Variants in EML6 observed in about 807,000 individuals in gnomAD.
EML6 encodes echinoderm microtubule-associated protein-like 6.
In EML6, 154 loss-of-function variants were observed where a neutral mutation model predicts 240.1. That is an observed-to-expected ratio of 0.64 (90% CI 0.56 to 0.73). The LOEUF is 0.73. Among genes scored for constraint, EML6 ranks in the 30% least tolerant of loss-of-function variants. The pLI, the probability that EML6 is intolerant of heterozygous loss-of-function variation, is 0.00. For missense variants in EML6, 2,964 were observed against 2,474.6 expected (o/e 1.20, Z -4.20); for synonymous variants, 1,148 against 899.0 (o/e 1.28, Z -4.95).
chr2:54,784,085 T>A (rs1027121058), intron 2 of EML6, among the ~76,000 whole-genome samples: 2 of 152,130 alleles, frequency 1.3e-5, no homozygotes, highest in African/African-American at 4.8e-5. Flanking sequence ...TAGCTAGGAC[T>A]ACAGGCATGT....
At chr2:54,954,800 C>G (rs553522349) in intron 32 of EML6, among the ~76,000 whole-genome samples, 2 of 152,302 alleles carry the variant, frequency 1.3e-5, no homozygotes, top group South Asian at 2.1e-4. Flanking sequence ...CTCATATATT[C>G]TCAGGTTGGG....
At chr2:54,740,145 T>A (rs775674373) in intron 2 of EML6, among the ~76,000 whole-genome samples, 4 of 152,138 alleles carry the variant, frequency 2.6e-5, no homozygotes, top group Middle Eastern at 3.4e-3. Flanking sequence ...GGTTATACAT[T>A]TATATGGGCC....
At chr2:54,926,930 C>A (rs1674579461) in intron 26 of EML6, among the ~76,000 whole-genome samples, 1 of 152,160 alleles carries the variant, frequency 6.6e-6, no homozygotes, top group African/African-American at 2.4e-5. Context: ...AGAGGCATTT[C>A]TCATGCTCTT....
intron 16 of EML6, among the ~76,000 whole-genome samples, chr2:54,876,806 A>G (rs1332153372): frequency 3.9e-5 from 6 of 152,190 alleles, no homozygotes; most frequent in African/African-American, 1.2e-4. Context: ...TATCACATCC[A>G]TCACCTCAAA....
intron 17 of EML6, among the ~76,000 whole-genome samples, chr2:54,883,433 A>G (rs1308433660): frequency 6.6e-6 from 1 of 152,230 alleles, no homozygotes; most frequent in Non-Finnish European, 1.5e-5. Context: ...CTACTGCCAC[A>G]GAAAGGGAGA....
chr2:54,903,827 G>A (rs1673180388), intron 24 of EML6, among the ~76,000 whole-genome samples: 1 of 152,054 alleles, frequency 6.6e-6, no homozygotes, highest in African/African-American at 2.4e-5. Context: ...TCCTTGTCTT[G>A]GGTCCCCTCA....
In EML6 at chr2:54,950,656, G is replaced by A. The variant is rs758124530; in HGVS notation, c.4090G>A (p.Ala1364Thr). Residue 1364 changes from alanine (A) to threonine (T), a missense_variant, in exon 30 of 42, where the codon GCT (alanine) becomes ACT (threonine). Physicochemically the swap from Ala to Thr is moderately conservative, Grantham distance 58. Coordinates refer to ENST00000356458, the MANE Select transcript of EML6 (RefSeq NM_001039753.4). ...TKKKKLVEEL[A>T]LDHVFGYRGF... is the part of the protein sequence containing the mutation. ...TCTGTGTGTGTGAATGCAGGAGCTGGCTCTAGACCACGTGTTTGGCTACAG... is the reference window on the plus strand; with the variant it reads ...TCTGTGTGTGTGAATGCAGGAGCTGACTCTAGACCACGTGTTTGGCTACAG... The A allele has an allele frequency of 6.4e-7, 1 of 1,551,608 alleles. No individual in the cohort carries two copies. The highest frequency in any genetic ancestry group is 1.2e-5 in the South Asian group (1 of 84,054).
chr2:54,878,899 G>A (rs1312991240), intron 16 of EML6, among the ~76,000 whole-genome samples: 1 of 152,150 alleles, frequency 6.6e-6, no homozygotes, highest in Non-Finnish European at 1.5e-5. Context: ...TATATCAAAT[G>A]TTAGCCTAGA....
chr2:54,941,800 A>G (rs984222094), intron 28 of EML6, among the ~76,000 whole-genome samples: 17 of 152,242 alleles, frequency 1.1e-4, no homozygotes, highest in Non-Finnish European at 2.4e-4. Flanking sequence ...CCTGCTCCAG[A>G]GCCCTTCTCT....
intron 3 of EML6, among the ~76,000 whole-genome samples, chr2:54,814,940 T>C (rs546265703): frequency 1.3e-5 from 2 of 152,362 alleles, no homozygotes; most frequent in South Asian, 4.1e-4. Flanking sequence ...CTAGTATTTG[T>C]TCAGGCTTGC....
intron 14 of EML6, chr2:54,868,207 T>G (rs182516948): frequency 1.3e-5 from 2 of 152,310 alleles, no homozygotes; most frequent in African/African-American, 4.8e-5. Context: ...AATTTTTAAT[T>G]AGGAGGATCA....
At position 54,748,193 on chromosome 2, in the gene EML6, CTATGAT is replaced by C. The variant is rs1572852253; in HGVS notation, c.197+22939_197+22944del. Among the ~76,000 whole-genome samples the C allele has an allele frequency of 2.0e-5, 3 of 152,288 alleles. No individual in the cohort carries two copies. The East Asian group carries it at 5.8e-4, about 29-fold the overall frequency. On this transcript the variant is annotated intron_variant, in intron 2 of 41. Transcript: ENST00000356458. ...AAGAGAACATAGGAAATTATCAAAA[CTATGAT>C]TATATGGTGTCAAAGAAAGACTCAA...
intron 25 of EML6, among the ~76,000 whole-genome samples, chr2:54,915,177 A>G (rs892451012): frequency 3.9e-5 from 6 of 152,098 alleles, no homozygotes; most frequent in Non-Finnish European, 8.8e-5. Context: ...TTTAAGTGCA[A>G]TTTCTGTAGC....
At chr2:54,955,597 T>C (rs1181423571) in intron 32 of EML6, among the ~76,000 whole-genome samples, 1 of 152,194 alleles carries the variant, frequency 6.6e-6, no homozygotes, top group Non-Finnish European at 1.5e-5. Flanking sequence ...CTGCACGGCC[T>C]TGTCTTTTTA....
chr2:54,944,583 A>C (rs760135627), intron 28 of EML6, among the ~76,000 whole-genome samples: 4 of 152,138 alleles, frequency 2.6e-5, no homozygotes, highest in Admixed American at 1.3e-4. Context: ...TTTTCACCCA[A>C]ATAACTTTGT....
At chr2:54,842,643 T>G (rs6545448) in intron 7 of EML6, among the ~76,000 whole-genome samples, 109,559 of 151,902 alleles carry the variant, frequency 0.72, 40,411 homozygotes, top group East Asian at 1. Context: ...TTTTAAAGTA[T>G]TTAGGAAATT....
intron 17 of EML6, among the ~76,000 whole-genome samples, chr2:54,887,893 A>G (rs895454737): frequency 6.6e-6 from 1 of 152,222 alleles, no homozygotes; most frequent in African/African-American, 2.4e-5. Context: ...ATTTGTTACA[A>G]TTCATGAACC....
Position 54,886,399 on chromosome 2 carries a change from T to A in EML6, c.2439-4655T>A, listed in dbSNP as rs543378727. ...CCAGGCTGGTCTCTAACTCCTGACC[T>A]CCTCAGGTGATCCGCCCACCTCAGC... On this transcript the variant is annotated intron_variant, in intron 17 of 41. Transcript: ENST00000356458. Among the ~76,000 whole-genome samples the A allele has an allele frequency of 1.4e-4, 22 of 152,162 alleles. No individual in the cohort carries two copies. The South Asian group carries it at 1.7e-3, about 12-fold the overall frequency.
chr2:54,871,456 G>A, intron 15 of EML6, 44 bp from the exon 16 acceptor site: 2 of 1,410,090 alleles, frequency 1.4e-6, no homozygotes, highest in Non-Finnish European at 2.0e-6. Context: ...ATCATTGTTA[G>A]TATAACGTGT....
Sources: gnomAD v4.1 joint callset for allele counts (sites outside exome capture counted in the v4.1 genomes callset) on GRCh38, gnomAD v4.1.1 for gene constraint, MANE v1.5 for transcripts, NCBI Gene and HGNC (gene_info 2026-07-23, HGNC 2026-07-21) for gene names.